Variants in CHSY3 observed in about 807,000 individuals in gnomAD.
CHSY3 encodes the protein N-acetylgalactosaminyl-proteoglycan 3-beta-glucuronosyltransferase 3.
In CHSY3, 35 loss-of-function variants were observed where a neutral mutation model predicts 67.2. The ratio of observed to expected loss-of-function variants is 0.52; its 90% CI spans 0.40 to 0.69. The LOEUF (loss-of-function observed/expected upper bound fraction) is 0.69, where lower values mean the gene tolerates loss of function less well. Ranked by LOEUF, CHSY3 falls within the 30% of genes least tolerant of loss-of-function variation. CHSY3 has a pLI of 0.00. For synonymous variants in CHSY3, 474 were observed against 434.7 expected (o/e 1.09, Z -1.12); for missense variants, 1,069 against 1,138.5 (o/e 0.94, Z 0.88).
rs531085068 is a variant in CHSY3 at position 129,991,293 on chromosome 5, C to T, written c.1086+82933C>T. On this transcript the variant is annotated intron_variant, in intron 2 of 2. Coordinates refer to ENST00000305031, the MANE Select transcript of CHSY3 (RefSeq NM_175856.5). ...GTAGTAATCTCGATGAGAGATGATG[C>T]CAGTTGGACTTCTGGAGAAAAATTT... 3.3e-5 allele frequency among the ~76,000 whole-genome samples: 5 copies of T among 151,860 alleles called. No homozygotes were observed. The South Asian group carries it at 1.0e-3, about 32-fold the overall frequency.
At chr5:130,157,860 T>A (rs1482169923) in intron 2 of CHSY3, among the ~76,000 whole-genome samples, 1 of 152,198 alleles carries the variant, frequency 6.6e-6, no homozygotes. Flanking sequence ...AAGAAAGGGG[T>A]GGGAAATTCC....
intron 2 of CHSY3, among the ~76,000 whole-genome samples, chr5:130,019,852 A>C (rs905820000): frequency 2.6e-5 from 4 of 152,186 alleles, no homozygotes; most frequent in African/African-American, 9.6e-5. Context: ...TTTAGCAATC[A>C]TATTGTTTGA....
At chr5:129,960,715 A>C (rs1017723266) in intron 2 of CHSY3, among the ~76,000 whole-genome samples, 2 of 152,022 alleles carry the variant, frequency 1.3e-5, no homozygotes, top group African/African-American at 4.8e-5. Context: ...TTATGTATGA[A>C]ATATTTTTTA....
intron 2 of CHSY3, chr5:130,141,276 A>G (rs1768857483): frequency 6.8e-6 from 3 of 441,198 alleles, no homozygotes; most frequent in Admixed American, 2.9e-5. Context: ...GCATAATCCC[A>G]CCATTCCTAT....
intron 2 of CHSY3, among the ~76,000 whole-genome samples, chr5:130,053,671 C>G (rs926959518): frequency 1.3e-5 from 2 of 151,922 alleles, no homozygotes; most frequent in Non-Finnish European, 2.9e-5. Context: ...TTCTTTATAG[C>G]AGGGGAAGAT....
At position 130,143,515 on chromosome 5, in the gene CHSY3, C is replaced by T. The variant is rs116665344; in HGVS notation, c.1087-40714C>T. On this transcript the variant is annotated intron_variant, in intron 2 of 2. Coordinates refer to ENST00000305031, the MANE Select transcript of CHSY3 (RefSeq NM_175856.5). ...GAGTCATCTGTGTTGTTGCATGGAGCGATGGTTTGCTCATTCTCATGATAT... is the reference window on the plus strand; with the variant it reads ...GAGTCATCTGTGTTGTTGCATGGAGTGATGGTTTGCTCATTCTCATGATAT... 4.8e-3 allele frequency among the ~76,000 whole-genome samples: 731 copies of T among 151,398 alleles called. 7 individuals are homozygous for T. Among genetic ancestry groups the T allele is most frequent in the African/African-American group, 0.017 (691 of 41,234 alleles).
intron 2 of CHSY3, among the ~76,000 whole-genome samples, chr5:129,969,794 C>T (rs1762586855): frequency 6.6e-6 from 1 of 151,702 alleles, no homozygotes; most frequent in South Asian, 2.1e-4. Flanking sequence ...GAAGGGTATC[C>T]AGAAATAGAA....
intron 2 of CHSY3, among the ~76,000 whole-genome samples, chr5:130,024,624 T>C (rs1764487480): frequency 6.6e-6 from 1 of 152,142 alleles, no homozygotes; most frequent in South Asian, 2.1e-4. Context: ...TGATTTCATA[T>C]TGACAATATG....
chr5:130,102,536 G>C (rs1767280079), intron 2 of CHSY3, among the ~76,000 whole-genome samples: 1 of 151,174 alleles, frequency 6.6e-6, no homozygotes, highest in African/African-American at 2.4e-5. Context: ...GTCGTTTTTA[G>C]CAGTAACCAC....
At chr5:130,090,658 A>G in intron 2 of CHSY3, among the ~76,000 whole-genome samples, 1 of 152,104 alleles carries the variant, frequency 6.6e-6, no homozygotes, top group East Asian at 1.9e-4. Context: ...TTGTTGCATT[A>G]CTCACTCATT....
At position 129,904,871 on chromosome 5, in the gene CHSY3, A is replaced by T. The variant is rs1760178333; in HGVS notation, c.42A>T (p.Leu14Phe). 3 of 1,497,134 alleles carry T rather than the reference A, an allele frequency of 2.0e-6. No homozygotes were observed. The highest frequency in any genetic ancestry group is 2.1e-4 in the Middle Eastern group (1 of 4,652). 92.7% of individuals were successfully genotyped at this position (1,497,134 alleles called of 1,614,324 possible). A position where few individuals can be genotyped will look rare whatever the true frequency, so the allele number is the denominator to read the frequency against. The change falls in exon 1 of 3, where the codon TTA becomes TTT. Residue 14 changes from leucine to phenylalanine, a missense_variant. Transcript: ENST00000305031. ...GCCGCCCGTGGATGAGCGTGGCATT[A>T]GGGCTGGTGCTGGGCTTCACCGCCG... ...RSRRPWMSVA[L>F]GLVLGFTAAS...
At chr5:130,176,170 C>T (rs1316160560) in intron 2 of CHSY3, among the ~76,000 whole-genome samples, 1 of 151,944 alleles carries the variant, frequency 6.6e-6, no homozygotes, top group Non-Finnish European at 1.5e-5. Flanking sequence ...AACAAGCACC[C>T]CATCAAAAAG....
chr5:130,077,934 T>G (rs1034179077), intron 2 of CHSY3, among the ~76,000 whole-genome samples: 2 of 152,072 alleles, frequency 1.3e-5, no homozygotes, highest in Non-Finnish European at 2.9e-5. Flanking sequence ...TAAAGAAACC[T>G]AAATGTGAAT....
At chr5:130,129,601 C>T (rs893678720) in intron 2 of CHSY3, among the ~76,000 whole-genome samples, 1 of 151,972 alleles carries the variant, frequency 6.6e-6, no homozygotes, top group Middle Eastern at 3.2e-3. Flanking sequence ...TTTAGAGACA[C>T]AATAATATGA....
chr5:129,908,079 G>C lies in CHSY3; in HGVS notation c.805G>C (p.Asp269His). 6.2e-7 allele frequency: 1 copy of C among 1,608,720 alleles called. No individual in the cohort carries two copies. The change falls in exon 2 of 3, where the codon GAT becomes CAT. Residue 269 changes from aspartate to histidine, a missense_variant and splice_region_variant. Asp to His is a moderately conservative substitution (Grantham distance 81). Coordinates refer to ENST00000305031, the MANE Select transcript of CHSY3 (RefSeq NM_175856.5). The part of the protein sequence containing the change: ...RADDDVYIKG[D>H]KLEEFLRSLN... ...AATTGTTGCCTTTCTTTTTGTAGGT[G>C]ATAAATTAGAAGAGTTTCTTAGATC...
chr5:130,048,912 A>G (rs912710755), intron 2 of CHSY3, among the ~76,000 whole-genome samples: 1 of 152,022 alleles, frequency 6.6e-6, no homozygotes, highest in African/African-American at 2.4e-5. Flanking sequence ...GTGATGCACA[A>G]CATAGCGACT....
intron 2 of CHSY3, among the ~76,000 whole-genome samples, chr5:130,121,626 TG>T (rs1352545568): frequency 6.6e-6 from 1 of 152,196 alleles, no homozygotes; most frequent in East Asian, 1.9e-4. Context: ...CTGAGATTTA[TG>T]TAATTTGGGG....
At chr5:130,184,160 T>C in intron 2 of CHSY3, 69 bp from the exon 3 acceptor site, 1 of 1,345,942 alleles carries the variant, frequency 7.4e-7, no homozygotes, top group Admixed American at 3.2e-5. Flanking sequence ...ATGCTTTAGT[T>C]TATCGCTGGT....
chr5:130,148,357 C>T (rs1034770893), intron 2 of CHSY3, among the ~76,000 whole-genome samples: 1 of 152,118 alleles, frequency 6.6e-6, no homozygotes, highest in Admixed American at 6.6e-5. Flanking sequence ...CCGCAGTGAA[C>T]ACATGCATGT....
Sources: gnomAD v4.1 joint callset for allele counts (sites outside exome capture counted in the v4.1 genomes callset) on GRCh38, gnomAD v4.1.1 for gene constraint, MANE v1.5 for transcripts, NCBI Gene and HGNC (gene_info 2026-07-23, HGNC 2026-07-21) for gene names.